Variants in HMCN1 observed in about 807,000 individuals in gnomAD.
The protein encoded by HMCN1 is hemicentin-1.
A neutral mutation model predicts 625.9 loss-of-function variants in HMCN1; 321 were observed. The observed-to-expected ratio is 0.51, with a 90% CI of 0.47 to 0.56. HMCN1 has a LOEUF of 0.56. Ranked by LOEUF, HMCN1 falls within the 20% of genes least tolerant of loss-of-function variation. HMCN1 has a pLI of 0.00. For missense variants in HMCN1, 6,588 were observed against 6,887.3 expected, an observed-to-expected ratio of 0.96 and a Z score of 1.54; for synonymous variants, 2,425 against 2,417.6, an observed-to-expected ratio of 1.00 and a Z score of -0.09.
intron 1 of HMCN1, among the ~76,000 whole-genome samples, chr1:185,843,937 A>C (rs796177238): frequency 2.0e-5 from 3 of 152,310 alleles, no homozygotes; most frequent in African/African-American, 7.2e-5. Context: ...AAGAGCAGGC[A>C]TATATTCAGA....
At chr1:185,767,058 A>G (rs1655925423) in intron 1 of HMCN1, among the ~76,000 whole-genome samples, 1 of 152,064 alleles carries the variant, frequency 6.6e-6, no homozygotes, top group South Asian at 2.1e-4. Context: ...CAAAGGCTTA[A>G]TGTGTTTCGT....
At chr1:185,801,387 C>T (rs539329101) in intron 1 of HMCN1, among the ~76,000 whole-genome samples, 5 of 152,276 alleles carry the variant, frequency 3.3e-5, no homozygotes, top group Admixed American at 6.5e-5. Flanking sequence ...GTTGTTCTAA[C>T]GGTTCAGTAC....
At chr1:185,838,192 C>T (rs1444866536) in intron 1 of HMCN1, among the ~76,000 whole-genome samples, 2 of 152,206 alleles carry the variant, frequency 1.3e-5, no homozygotes, top group Non-Finnish European at 2.9e-5. Flanking sequence ...GCTTTGTGCT[C>T]TTGGCAGGTC....
intron 11 of HMCN1, among the ~76,000 whole-genome samples, chr1:185,937,811 G>A (rs1215393620): frequency 2.0e-5 from 3 of 151,558 alleles, no homozygotes; most frequent in Non-Finnish European, 4.4e-5. Context: ...AACTTGGGAG[G>A]CGGAGGTTGC....
intron 83 of HMCN1, among the ~76,000 whole-genome samples, chr1:186,128,951 GC>G (rs1485207608): frequency 3.3e-5 from 4 of 120,586 alleles, no homozygotes; most frequent in African/African-American, 7.6e-5. Flanking sequence ...GTAGTAATAA[GC>G]TTGAGAGTTT....
intron 75 of HMCN1, 89 bp downstream of exon 75, chr1:186,115,503 T>C: frequency 2.5e-6 from 3 of 1,203,026 alleles, no homozygotes; most frequent in African/African-American, 3.0e-5. Context: ...TCAGCAAATA[T>C]ATAGACTATA....
In HMCN1 at chr1:185,948,541, C is replaced by T. The variant is rs1668464279; in HGVS notation, c.1829-13977C>T. The stretch of plus-strand genomic sequence containing the variant: ...GGATGAGCCAGGAAAAGGACTTTCA[C>T]AAGGTAATGTCATCACTTAAGGCAA... On this transcript the variant is annotated intron_variant, in intron 11 of 106. Transcript: ENST00000271588. Among the ~76,000 whole-genome samples, 11 of 151,470 alleles carry T rather than the reference C, an allele frequency of 7.3e-5. 1 individual carries two copies. The South Asian group carries it at 2.3e-3, about 32-fold the overall frequency.
intron 86 of HMCN1, among the ~76,000 whole-genome samples, 196 bp downstream of exon 86, chr1:186,132,605 T>TA (rs1481174109): frequency 6.6e-6 from 1 of 152,148 alleles, no homozygotes. Context: ...TTCTCTATTT[T>TA]ATCTAACGTA....
chr1:185,996,872 T>G (rs1327558402), intron 24 of HMCN1, among the ~76,000 whole-genome samples: 1 of 152,120 alleles, frequency 6.6e-6, no homozygotes, highest in African/African-American at 2.4e-5. Context: ...AACTTTATCT[T>G]ATAGACAAAA....
At chr1:186,048,622 C>T in intron 41 of HMCN1, 121 bp from the exon 42 acceptor site, 1 of 701,366 alleles carries the variant, frequency 1.4e-6, no homozygotes, top group Non-Finnish European at 2.5e-6. Context: ...GCTATTTTGT[C>T]TATTTTTTAT....
chr1:185,779,467 T>C (rs1221824700), intron 1 of HMCN1, among the ~76,000 whole-genome samples: 1 of 152,254 alleles, frequency 6.6e-6, no homozygotes, highest in Non-Finnish European at 1.5e-5. Flanking sequence ...TTCTAGAGTT[T>C]TTATGGTTTT....
At chr1:186,052,360 G>A (rs1416860835) in intron 42 of HMCN1, among the ~76,000 whole-genome samples, 2 of 152,040 alleles carry the variant, frequency 1.3e-5, no homozygotes, top group African/African-American at 4.8e-5. Context: ...GCCAGCATCT[G>A]CAGACTCCAG....
chr1:185,908,945 T>G (rs1436063661), intron 4 of HMCN1, among the ~76,000 whole-genome samples: 2 of 151,784 alleles, frequency 1.3e-5, no homozygotes, highest in African/African-American at 4.8e-5. Context: ...TCTGGAAGAA[T>G]AAAATCTGGA....
At chr1:185,853,761 T>G (rs1249832966) in intron 2 of HMCN1, among the ~76,000 whole-genome samples, 3 of 152,226 alleles carry the variant, frequency 2.0e-5, no homozygotes, top group African/African-American at 7.2e-5. Context: ...GAAGGCTATT[T>G]TGACTGTTGG....
chr1:185,740,049 G>A (rs1049392261), intron 1 of HMCN1, among the ~76,000 whole-genome samples: 2 of 152,172 alleles, frequency 1.3e-5, no homozygotes, highest in African/African-American at 2.4e-5. Context: ...AAAGACCAGA[G>A]AGTCTGGAAC....
chr1:185,865,582 TACACACACACACACACACACACACACAC>T (rs56891910), intron 3 of HMCN1, among the ~76,000 whole-genome samples, 131 bp from the exon 4 acceptor site: 1 of 135,194 alleles, frequency 7.4e-6, no homozygotes, highest in Non-Finnish European at 1.6e-5. Flanking sequence ...TATATAAGCA[TACACACACACACACACACACACACACAC>T]ACACACACAC....
At chr1:185,843,586 A>G (rs1661626393) in intron 1 of HMCN1, among the ~76,000 whole-genome samples, 1 of 152,220 alleles carries the variant, frequency 6.6e-6, no homozygotes, top group South Asian at 2.1e-4. Flanking sequence ...GGGCTCTGTT[A>G]TGTGAAAAGA....
Position 185,862,126 on chromosome 1 carries a change from TA to T in HMCN1, c.340-2337del, listed in dbSNP as rs1175684248. Among the ~76,000 whole-genome samples, 5 of 152,022 alleles carry T rather than the reference TA, an allele frequency of 3.3e-5. No homozygotes were observed. In the South Asian group the frequency reaches 8.3e-4, roughly 25 times the overall value. ...AACATTTATAATATTAAAAATTCTA[TA>T]AAAAAAGAATCTCAGCTTAAAGGGA... On this transcript the variant is annotated intron_variant, in intron 2 of 106. Transcript: ENST00000271588.
intron 1 of HMCN1, among the ~76,000 whole-genome samples, chr1:185,751,323 A>G (rs1654801700): frequency 6.6e-6 from 1 of 152,102 alleles, no homozygotes; most frequent in African/African-American, 2.4e-5. Flanking sequence ...CCCATTGAAG[A>G]TAGCATTTTA....
Sources: gnomAD v4.1 joint callset for allele counts (sites outside exome capture counted in the v4.1 genomes callset) on GRCh38, gnomAD v4.1.1 for gene constraint, MANE v1.5 for transcripts, NCBI Gene and HGNC (gene_info 2026-07-23, HGNC 2026-07-21) for gene names.